Variants in TRAPPC9 observed in about 807,000 individuals in gnomAD.
TRAPPC9 encodes IKK2 binding protein.
Under a neutral mutation model 124.0 loss-of-function variants are expected in TRAPPC9, and 83 were observed. The observed-to-expected ratio is 0.67, with a 90% CI of 0.56 to 0.80. TRAPPC9 has a LOEUF of 0.80. TRAPPC9 is among the 30% of genes least tolerant of loss of function. The pLI is 0.00. For missense variants in TRAPPC9, 1,302 were observed against 1,508.3 expected, an observed-to-expected ratio of 0.86 and a Z score of 2.27; for synonymous variants, 638 against 617.5, an observed-to-expected ratio of 1.03 and a Z score of -0.49.
At chr8:139,731,847 C>T in intron 22 of TRAPPC9, 132 bp downstream of exon 22, 1 of 838,646 alleles carries the variant, frequency 1.2e-6, no homozygotes, top group Admixed American at 2.0e-5. Flanking sequence ...TCAGTGTGCA[C>T]ACGTGACCAC....
intron 1 of TRAPPC9, among the ~76,000 whole-genome samples, chr8:140,452,419 C>CAAAAAAAAA (rs1161960216): frequency 2.5e-5 from 1 of 40,316 alleles, no homozygotes; most frequent in Non-Finnish European, 5.7e-5. Flanking sequence ...GACTGCATCT[C>CAAAAAAAAA]AAAAAAAAAA....
chr8:139,927,016 AT>A (rs1832860013), intron 19 of TRAPPC9, among the ~76,000 whole-genome samples: 2 of 152,248 alleles, frequency 1.3e-5, no homozygotes, highest in Admixed American at 1.3e-4. Context: ...TTAAATAGAC[AT>A]TTCATCAAAG....
At chr8:140,283,846 A>C (rs762625344) in intron 14 of TRAPPC9, 43 bp downstream of exon 14, 2 of 1,610,624 alleles carry the variant, frequency 1.2e-6, no homozygotes, top group South Asian at 2.2e-5. Flanking sequence ...ACCAAAAATG[A>C]TGCCTCAGAG....
intron 18 of TRAPPC9, among the ~76,000 whole-genome samples, chr8:139,992,436 C>T (rs973834749): frequency 1.3e-5 from 2 of 151,974 alleles, no homozygotes; most frequent in Admixed American, 6.6e-5. Flanking sequence ...TTCCTTTGAG[C>T]ATCACGTCAG....
At chr8:140,312,463 C>G (rs1168274633) in intron 9 of TRAPPC9, among the ~76,000 whole-genome samples, 3 of 152,128 alleles carry the variant, frequency 2.0e-5, no homozygotes, top group Non-Finnish European at 4.4e-5. Context: ...GTGCCTATAT[C>G]AGGAATTACT....
intron 19 of TRAPPC9, among the ~76,000 whole-genome samples, chr8:139,975,770 C>T (rs950705671): frequency 1.3e-5 from 2 of 152,098 alleles, no homozygotes; most frequent in Non-Finnish European, 2.9e-5. Context: ...GCTGTGCCAA[C>T]GCCCCTCCTC....
At chr8:140,222,174 G>A (rs1011971872) in intron 16 of TRAPPC9, among the ~76,000 whole-genome samples, 33 of 152,046 alleles carry the variant, frequency 2.2e-4, no homozygotes, top group African/African-American at 7.7e-4. Flanking sequence ...CCTTCGTGCA[G>A]CCAGCTCTCT....
At chr8:140,205,125 T>C (rs549593740) in intron 17 of TRAPPC9, among the ~76,000 whole-genome samples, 1 of 152,346 alleles carries the variant, frequency 6.6e-6, no homozygotes, top group Non-Finnish European at 1.5e-5. Context: ...AGTAGCAATA[T>C]TGACATCTCC....
intron 17 of TRAPPC9, among the ~76,000 whole-genome samples, chr8:140,120,710 AACAACCG>A (rs2060969632): frequency 6.6e-6 from 1 of 151,016 alleles, no homozygotes; most frequent in South Asian, 2.1e-4. Context: ...ACATCCATCC[AACAACCG>A]TCCATCCATC....
Position 139,814,349 on chromosome 8 carries a change from A to T in TRAPPC9, c.3055+71530T>A, listed in dbSNP as rs1413118670. ...CCAAAAACAGTCACCGTCGCTGCTCAGAACCCCTCAAGCTGTCAGGAAATG... is the reference window on the plus strand; with the variant it reads ...CCAAAAACAGTCACCGTCGCTGCTCTGAACCCCTCAAGCTGTCAGGAAATG... On this transcript the variant is annotated intron_variant, in intron 21 of 22. Coordinates refer to ENST00000438773, the MANE Select transcript of TRAPPC9 (RefSeq NM_001160372.4). Among the ~76,000 whole-genome samples, 7 of 152,242 alleles carry T rather than the reference A, an allele frequency of 4.6e-5. No homozygotes were observed. The South Asian group carries it at 1.4e-3, about 31-fold the overall frequency.
intron 15 of TRAPPC9, among the ~76,000 whole-genome samples, chr8:140,267,352 T>A (rs1416044402): frequency 1.3e-5 from 2 of 152,228 alleles, no homozygotes; most frequent in Admixed American, 1.3e-4. Context: ...AACTGCTATC[T>A]GTAAAGCAAA....
In TRAPPC9 at chr8:139,870,612, A is replaced by G. The variant is rs768077519; in HGVS notation, c.3055+15267T>C. On this transcript the variant is annotated intron_variant, in intron 21 of 22. Transcript: ENST00000438773. The stretch of plus-strand genomic sequence containing the variant: ...CCAGCTCCACAGGATGGAGATGGAA[A>G]CATACCCGAGATCTACCATTAAGTG... Among the ~76,000 whole-genome samples, 42 of 150,244 alleles carry G rather than the reference A, an allele frequency of 2.8e-4. 1 individual carries two copies. The highest frequency in any genetic ancestry group is 6.6e-5 in the Admixed American group (1 of 15,126).
intron 17 of TRAPPC9, among the ~76,000 whole-genome samples, chr8:140,073,934 C>T (rs548241640): frequency 1.3e-3 from 195 of 152,324 alleles, no homozygotes; most frequent in African/African-American, 3.0e-3. Context: ...TGCATGTTCA[C>T]ACCTGTGACC....
intron 9 of TRAPPC9, among the ~76,000 whole-genome samples, chr8:140,340,058 G>A (rs1046925779): frequency 2.0e-5 from 3 of 152,134 alleles, no homozygotes; most frequent in Non-Finnish European, 4.4e-5. Context: ...TGTTGGCCAC[G>A]CTGGTCTCGA....
At position 139,743,748 on chromosome 8, in the gene TRAPPC9, G is replaced by C. The variant is rs550496719; in HGVS notation, c.3056-11546C>G. On this transcript the variant is annotated intron_variant, in intron 21 of 22. Transcript: ENST00000438773. Reference sequence around the variant, plus strand: ...CACCGGGCCAGCTGTCCTGTGGGGTGGGGGGCAGGCAGGCACATCCCATAT... The same window carrying C: ...CACCGGGCCAGCTGTCCTGTGGGGTCGGGGGCAGGCAGGCACATCCCATAT... Among the ~76,000 whole-genome samples, 7 of 152,270 alleles carry C rather than the reference G, an allele frequency of 4.6e-5. No individual in the cohort carries two copies. The South Asian group carries it at 1.2e-3, about 27-fold the overall frequency.
intron 18 of TRAPPC9, among the ~76,000 whole-genome samples, chr8:140,021,541 T>C (rs780939670): frequency 1.2e-4 from 18 of 152,220 alleles, no homozygotes; most frequent in African/African-American, 2.4e-4. Flanking sequence ...TACTATTTAT[T>C]AGGTTCATCA....
At chr8:140,275,362 G>A (rs2065079989) in intron 15 of TRAPPC9, among the ~76,000 whole-genome samples, 1 of 152,190 alleles carries the variant, frequency 6.6e-6, no homozygotes, top group Non-Finnish European at 1.5e-5. Flanking sequence ...AGTAGCTGAT[G>A]GATGCTGAGG....
intron 17 of TRAPPC9, among the ~76,000 whole-genome samples, chr8:140,179,422 T>C (rs2062149264): frequency 6.6e-6 from 1 of 152,156 alleles, no homozygotes; most frequent in Non-Finnish European, 1.5e-5. Flanking sequence ...TTTAATTCTG[T>C]TGTGGTCACA....
chr8:139,932,764 C>CAA (rs927630989), intron 19 of TRAPPC9: 26 of 276,228 alleles, frequency 9.4e-5, no homozygotes, highest in South Asian at 1.9e-4. Context: ...ACTGTGTCTT[C>CAA]AAAAAAAAAA....
Sources: allele counts gnomAD v4.1 joint callset (sites outside exome capture counted in the v4.1 genomes callset), GRCh38; gene constraint gnomAD v4.1.1; transcripts MANE v1.5; gene names NCBI Gene and HGNC (gene_info 2026-07-23, HGNC 2026-07-21).